The following SMARCAL1 variants were observed in gnomAD, a reference collection of about 807,000 sequenced individuals.
SMARCAL1 encodes SNF2 related chromatin remodeling annealing helicase 1, also known as ATP-driven annealing helicase.
Under a neutral mutation model 94.5 loss-of-function variants are expected in SMARCAL1, and 58 were observed. The observed-to-expected ratio is 0.61, with a 90% CI of 0.50 to 0.76. The LOEUF is 0.76. Ranked by LOEUF, SMARCAL1 falls within the 30% of genes least tolerant of loss-of-function variation. The probability of loss-of-function intolerance (pLI) is 0.00; values close to 1 mark genes in which losing one functional copy is unlikely to be tolerated. For missense variants in SMARCAL1, 1,051 were observed against 1,177.9 expected (o/e 0.89, Z 1.58); for synonymous variants, 422 against 455.1 (o/e 0.93, Z 0.93).
intron 7 of SMARCAL1, among the ~76,000 whole-genome samples, chr2:216,430,961 G>A (rs1693948612): frequency 6.6e-6 from 1 of 152,272 alleles, no homozygotes; most frequent in South Asian, 2.1e-4. Flanking sequence ...GTACAGGGAG[G>A]AGGCTGCGCC....
intron 4 of SMARCAL1, among the ~76,000 whole-genome samples, chr2:216,417,362 A>T (rs1574445499): frequency 6.6e-6 from 1 of 151,972 alleles, no homozygotes; most frequent in Non-Finnish European, 1.5e-5. Context: ...ATACAAATTT[A>T]TTTTTTACAG....
intron 5 of SMARCAL1, among the ~76,000 whole-genome samples, chr2:216,421,351 G>A (rs1693716124): frequency 6.6e-6 from 1 of 152,138 alleles, no homozygotes; most frequent in Admixed American, 6.5e-5. Context: ...AGGCTGGAGT[G>A]CAGTGGCGCA....
Position 216,450,986 on chromosome 2 carries a change from T to C in SMARCAL1, c.1992T>C (p.Ile664=). ...CCAAGCAGCGCAAGATAGTGGTGAT[T>C]GCCCCAGGACGGATCAATGCCAGGA... ...LPAKQRKIVV[I]APGRINARTR... is the part of the protein sequence containing the mutation. The change falls in exon 12 of 18, where the codon ATT becomes ATC. Residue 664 remains isoleucine, a synonymous_variant. Transcript: ENST00000357276. 6.2e-7 allele frequency: 1 copy of C among 1,614,206 alleles called. No individual in the cohort carries two copies. The highest frequency in any genetic ancestry group is 2.2e-5 in the East Asian group (1 of 44,880).
chr2:216,434,253 T>C (rs1438828940), intron 8 of SMARCAL1, among the ~76,000 whole-genome samples: 2 of 152,124 alleles, frequency 1.3e-5, no homozygotes, highest in Admixed American at 6.5e-5. Flanking sequence ...CCTCCCTGTA[T>C]TGAACAGTGT....
chr2:216,440,468 A>G (rs1694174404), intron 10 of SMARCAL1, among the ~76,000 whole-genome samples: 1 of 152,230 alleles, frequency 6.6e-6, no homozygotes, highest in Admixed American at 6.5e-5. Flanking sequence ...TCAAAGTGAC[A>G]TGTTTAAAAG....
chr2:216,479,140 C>T (rs535041044), intron 17 of SMARCAL1: 22 of 152,542 alleles, frequency 1.4e-4, no homozygotes, highest in African/African-American at 5.3e-4. Context: ...GGAGTATGCC[C>T]TCCTCGAGCA....
intron 5 of SMARCAL1, among the ~76,000 whole-genome samples, chr2:216,422,744 TGAA>T (rs570350646): frequency 2.6e-5 from 4 of 152,218 alleles, no homozygotes; most frequent in Non-Finnish European, 4.4e-5. Context: ...AATCATACAG[TGAA>T]GAATGAACTT....
intron 12 of SMARCAL1, among the ~76,000 whole-genome samples, chr2:216,458,114 C>T (rs1414033544): frequency 1.3e-5 from 2 of 152,202 alleles, no homozygotes. Flanking sequence ...GACACATACA[C>T]TCTCCCAAGA....
At chr2:216,468,909 C>A (rs1232470438) in intron 14 of SMARCAL1, among the ~76,000 whole-genome samples, 1 of 152,092 alleles carries the variant, frequency 6.6e-6, no homozygotes, top group East Asian at 1.9e-4. Context: ...GACGGGGTTT[C>A]ACCATGTTGC....
At chr2:216,447,211 C>T (rs1344210275) in intron 11 of SMARCAL1, 53 bp downstream of exon 11, 3 of 1,545,004 alleles carry the variant, frequency 1.9e-6, no homozygotes, top group Non-Finnish European at 2.7e-6. Flanking sequence ...CTGATTTTGA[C>T]ACTTATCTTT....
chr2:216,460,235 A>G (rs1049992753), intron 12 of SMARCAL1, among the ~76,000 whole-genome samples: 1 of 152,196 alleles, frequency 6.6e-6, no homozygotes, highest in Non-Finnish European at 1.5e-5. Context: ...TACACTGTTG[A>G]TGGGACTGTA....
At chr2:216,473,612 A>C (rs540233180) in intron 14 of SMARCAL1, among the ~76,000 whole-genome samples, 1 of 152,170 alleles carries the variant, frequency 6.6e-6, no homozygotes, top group South Asian at 2.1e-4. Flanking sequence ...AGTTTTACTT[A>C]TAATGTGTTT....
intron 6 of SMARCAL1, among the ~76,000 whole-genome samples, chr2:216,427,636 A>T (rs1693863921): frequency 6.6e-6 from 1 of 152,190 alleles, no homozygotes; most frequent in Admixed American, 6.5e-5. Flanking sequence ...ATTTCTTCTC[A>T]TGGTGATTAT....
In SMARCAL1 at chr2:216,459,409, T is replaced by G. The variant is rs1034928185; in HGVS notation, c.2071-5188T>G. Among the ~76,000 whole-genome samples, 10 of 151,696 alleles carry G rather than the reference T, an allele frequency of 6.6e-5. 1 individual carries two copies. The highest frequency in any genetic ancestry group is 1.3e-4 in the Admixed American group (2 of 15,224). ...CTAAGCCAAAAGAACAAAGCTGGAG[T>G]CATCACACTACCTGACTTCAAACTA... On this transcript the variant is annotated intron_variant, in intron 12 of 17. Transcript: ENST00000357276.
chr2:216,444,490 C>T (rs1305689726), intron 10 of SMARCAL1, among the ~76,000 whole-genome samples: 1 of 151,848 alleles, frequency 6.6e-6, no homozygotes, highest in African/African-American at 2.4e-5. Context: ...AGAACATTCT[C>T]TTGGCTCTTA....
chr2:216,460,883 A>G (rs1694682436), intron 12 of SMARCAL1, among the ~76,000 whole-genome samples: 1 of 152,194 alleles, frequency 6.6e-6, no homozygotes, highest in African/African-American at 2.4e-5. Context: ...TGATATTTGA[A>G]TGGACAAATG....
At chr2:216,440,393 A>T (rs1694171250) in intron 10 of SMARCAL1, among the ~76,000 whole-genome samples, 1 of 152,208 alleles carries the variant, frequency 6.6e-6, no homozygotes. Flanking sequence ...GTGGTTTCTG[A>T]AATGTGTGCC....
At chr2:216,474,729 C>G (rs1695035527) in intron 14 of SMARCAL1, among the ~76,000 whole-genome samples, 1 of 151,904 alleles carries the variant, frequency 6.6e-6, no homozygotes, top group Non-Finnish European at 1.5e-5. Context: ...GCACTCCAGC[C>G]TGAGTGACAA....
intron 17 of SMARCAL1, among the ~76,000 whole-genome samples, chr2:216,478,786 CAA>C (rs1695141076): frequency 6.6e-6 from 1 of 152,236 alleles, no homozygotes; most frequent in African/African-American, 2.4e-5. Flanking sequence ...TAGGTTTGCA[CAA>C]AGTCACAGGG....
Sources: gnomAD v4.1 joint callset for allele counts (sites outside exome capture counted in the v4.1 genomes callset) on GRCh38, gnomAD v4.1.1 for gene constraint, MANE v1.5 for transcripts, NCBI Gene and HGNC (gene_info 2026-07-23, HGNC 2026-07-21) for gene names.